Variants in NRG3 observed in about 807,000 individuals in gnomAD.
NRG3 encodes neuregulin 3.
A neutral mutation model predicts 66.9 loss-of-function variants in NRG3; 31 were observed. That is an observed-to-expected ratio of 0.46 (90% CI 0.35 to 0.63). The LOEUF (loss-of-function observed/expected upper bound fraction) is 0.63. NRG3 is among the 20% of genes least tolerant of loss of function. The pLI, the probability that NRG3 is intolerant of heterozygous loss-of-function variation, is 0.00. For synonymous variants in NRG3, 393 were observed against 359.4 expected, an observed-to-expected ratio of 1.09 and a Z score of -1.06; for missense variants, 910 against 878.9, an observed-to-expected ratio of 1.04 and a Z score of -0.45.
At chr10:82,444,396 C>T (rs2090605968) in intron 2 of NRG3, among the ~76,000 whole-genome samples, 3 of 152,048 alleles carry the variant, frequency 2.0e-5, no homozygotes, top group Admixed American at 2.0e-4. Flanking sequence ...AGCAACCACC[C>T]CCAGCCCAAA....
chr10:81,875,566 T>A lies in NRG3; in HGVS notation c.226T>A (p.Phe76Ile). Reference sequence around the variant, plus strand: ...GTGCGTGGTACCTCTGTTCATCGGCTTCATCGGCCTGGGGCTCAGCCTCAT... The same window carrying A: ...GTGCGTGGTACCTCTGTTCATCGGCATCATCGGCCTGGGGCTCAGCCTCAT... ...WLCVVPLFIG[F>I]IGLGLSLMLL... Residue 76 changes from phenylalanine to isoleucine, a missense_variant, in exon 1 of 9, where the codon TTC (phenylalanine) becomes ATC (isoleucine). Physicochemically the swap from Phe to Ile is conservative, Grantham distance 21. Coordinates refer to ENST00000372141, the MANE Select transcript of NRG3 (RefSeq NM_001010848.4). This position sits in a 1 kb window ranked among gnomAD's most constrained non-coding sequence, Gnocchi z 5.3. The A allele has an allele frequency of 6.2e-7, 1 of 1,613,446 alleles. No homozygotes were observed. Among genetic ancestry groups the A allele is most frequent in the East Asian group, 2.2e-5 (1 of 44,832 alleles).
At chr10:82,731,104 C>T (rs991655657) in intron 2 of NRG3, among the ~76,000 whole-genome samples, 8 of 152,090 alleles carry the variant, frequency 5.3e-5, no homozygotes, top group Non-Finnish European at 8.8e-5. Context: ...CGGTGGCTCA[C>T]GTCTGTAATC....
At chr10:82,657,616 G>A (rs1299169628) in intron 2 of NRG3, among the ~76,000 whole-genome samples, 3 of 151,740 alleles carry the variant, frequency 2.0e-5, no homozygotes, top group Non-Finnish European at 4.4e-5. Flanking sequence ...TATTCACCCT[G>A]GGGAAATACA....
At chr10:82,351,070 A>G (rs991784143) in intron 1 of NRG3, among the ~76,000 whole-genome samples, 3 of 151,764 alleles carry the variant, frequency 2.0e-5, no homozygotes, top group Admixed American at 1.3e-4. Context: ...TTTTTTGTGT[A>G]TTTTTGGTAG....
chr10:82,266,068 A>T (rs1343207928), intron 1 of NRG3, among the ~76,000 whole-genome samples: 1 of 152,148 alleles, frequency 6.6e-6, no homozygotes, highest in Non-Finnish European at 1.5e-5. Flanking sequence ...CTTGAGTGCC[A>T]GAGGGTTTGG....
intron 2 of NRG3, among the ~76,000 whole-genome samples, chr10:82,656,643 A>G (rs533643155): frequency 1.3e-5 from 2 of 152,114 alleles, no homozygotes; most frequent in African/African-American, 2.4e-5. Flanking sequence ...GCCCAGGTCT[A>G]AGCCTCTGTC....
At chr10:82,877,100 C>A (rs1322116246) in intron 4 of NRG3, among the ~76,000 whole-genome samples, 1 of 151,714 alleles carries the variant, frequency 6.6e-6, no homozygotes, top group South Asian at 2.1e-4. Flanking sequence ...ATATCCAATT[C>A]TGCCTTACAG....
chr10:82,968,679 G>A (rs1851439545), intron 6 of NRG3, among the ~76,000 whole-genome samples: 1 of 151,542 alleles, frequency 6.6e-6, no homozygotes, highest in Non-Finnish European at 1.5e-5. Context: ...GAGGGAGGCA[G>A]GGAGGGAGGA....
At chr10:82,853,962 G>C (rs560030588) in intron 3 of NRG3, among the ~76,000 whole-genome samples, 1 of 152,112 alleles carries the variant, frequency 6.6e-6, no homozygotes. Context: ...ATGACTTCGA[G>C]GTATGTCTCT....
chr10:82,188,878 G>T (rs898615307), intron 1 of NRG3, among the ~76,000 whole-genome samples: 5 of 151,996 alleles, frequency 3.3e-5, no homozygotes, highest in Non-Finnish European at 5.9e-5. Context: ...GCACAATAGG[G>T]TGACTATAGT....
At chr10:82,475,905 C>T (rs1003200752) in intron 2 of NRG3, among the ~76,000 whole-genome samples, 1 of 151,874 alleles carries the variant, frequency 6.6e-6, no homozygotes, top group Non-Finnish European at 1.5e-5. Context: ...AAAAGGCAAC[C>T]CATGGAATGG....
At chr10:82,069,287 G>A (rs1361490776) in intron 1 of NRG3, among the ~76,000 whole-genome samples, 1 of 152,126 alleles carries the variant, frequency 6.6e-6, no homozygotes, top group Admixed American at 6.5e-5. Context: ...CTGCATGCAC[G>A]AGGTACCAGA....
chr10:82,552,384 G>A lies in NRG3; in HGVS notation c.954-186193G>A, dbSNP rs187853544. ...ATGGATTTAAACTTACTTATTTGAT[G>A]CATTTTAATACATTGCAATTGTTAA... On this transcript the variant is annotated intron_variant, in intron 2 of 8. Transcript: ENST00000372141. Among the ~76,000 whole-genome samples the A allele has an allele frequency of 9.9e-5, 15 of 152,066 alleles. No homozygotes were observed. In the East Asian group the frequency reaches 2.9e-3, roughly 29 times the overall value.
intron 1 of NRG3, among the ~76,000 whole-genome samples, chr10:82,160,030 T>C (rs937881022): frequency 3.3e-5 from 5 of 151,912 alleles, no homozygotes; most frequent in African/African-American, 1.2e-4. Flanking sequence ...GAGTTGTTTA[T>C]TGTTTGTTTG....
At chr10:82,853,221 G>A (rs1564568095) in intron 3 of NRG3, among the ~76,000 whole-genome samples, 6 of 152,174 alleles carry the variant, frequency 3.9e-5, no homozygotes, top group Non-Finnish European at 1.5e-5. Flanking sequence ...CTGAATGAAA[G>A]CATTAGTAGA....
intron 4 of NRG3, among the ~76,000 whole-genome samples, chr10:82,913,357 A>T (rs1845517406): frequency 1.3e-5 from 2 of 152,336 alleles, no homozygotes; most frequent in South Asian, 2.1e-4. Flanking sequence ...AGAAAAATAA[A>T]CATTTTATTT....
intron 3 of NRG3, among the ~76,000 whole-genome samples, chr10:82,774,261 A>G (rs1315308113): frequency 6.6e-6 from 1 of 152,168 alleles, no homozygotes; most frequent in African/African-American, 2.4e-5. Context: ...ATCTTTCTCT[A>G]GCTTAAGTAG....
chr10:82,294,025 C>T (rs2079900861), intron 1 of NRG3, among the ~76,000 whole-genome samples: 1 of 152,038 alleles, frequency 6.6e-6, no homozygotes, highest in Admixed American at 6.6e-5. Context: ...CCTTTGACAA[C>T]CTGCCAGCAA....
At chr10:82,835,176 T>C (rs180835212) in intron 3 of NRG3, among the ~76,000 whole-genome samples, 2 of 152,284 alleles carry the variant, frequency 1.3e-5, no homozygotes, top group East Asian at 3.9e-4. Flanking sequence ...GAGCAAAGTA[T>C]GGTCCTGATA....
Sources: gnomAD v4.1 joint callset for allele counts (sites outside exome capture counted in the v4.1 genomes callset) on GRCh38, gnomAD v4.1.1 for gene constraint, Gnocchi (gnomAD v3.1) non-coding constraint, MANE v1.5 for transcripts, NCBI Gene and HGNC (gene_info 2026-07-23, HGNC 2026-07-21) for gene names.